The following SLC30A7 variants were observed in gnomAD, a reference collection of about 807,000 sequenced individuals.
SLC30A7 encodes the protein solute carrier family 30 member 7, also known as zinc transporter 7.
A neutral mutation model predicts 46.0 loss-of-function variants in SLC30A7; 35 were observed. The observed-to-expected ratio is 0.76, with a 90% CI of 0.58 to 1.01. The LOEUF (loss-of-function observed/expected upper bound fraction) is 1.01. Ranked by LOEUF, SLC30A7 falls within the 50% of genes least tolerant of loss-of-function variation. The probability of loss-of-function intolerance (pLI) is 0.00; values close to 1 mark genes in which losing one functional copy is unlikely to be tolerated. For missense variants in SLC30A7, 464 were observed against 451.1 expected (o/e 1.03, Z -0.26); for synonymous variants, 147 against 157.8 (o/e 0.93, Z 0.51).
At chr1:100,910,563 T>C (rs1290891121) in intron 3 of SLC30A7, among the ~76,000 whole-genome samples, 2 of 152,188 alleles carry the variant, frequency 1.3e-5, no homozygotes, top group African/African-American at 4.8e-5. Flanking sequence ...AGAAATAATT[T>C]TATTTTCCTT....
At chr1:100,953,845 A>G (rs192869115) in intron 8 of SLC30A7, among the ~76,000 whole-genome samples, 2 of 152,352 alleles carry the variant, frequency 1.3e-5, no homozygotes, top group East Asian at 1.9e-4. Flanking sequence ...AAGAGATTCT[A>G]TTAAGATAAA....
chr1:100,964,259 AATATATGTTATATAACCTATAAC>A (rs779868664), intron 9 of SLC30A7, among the ~76,000 whole-genome samples: 95 of 89,956 alleles, frequency 1.1e-3, no homozygotes, highest in Non-Finnish European at 2.2e-3. Context: ...ATATATACAC[AATATATGTTATATAACCTATAAC>A]ATATATGTTA....
At chr1:100,927,220 C>T (rs1653362857) in intron 8 of SLC30A7, among the ~76,000 whole-genome samples, 1 of 152,092 alleles carries the variant, frequency 6.6e-6, no homozygotes, top group African/African-American at 2.4e-5. Context: ...ACAGTTTATT[C>T]TGAGACCGAG....
At chr1:100,974,383 A>C (rs1434384189) in intron 10 of SLC30A7, among the ~76,000 whole-genome samples, 1 of 152,218 alleles carries the variant, frequency 6.6e-6, no homozygotes, top group Admixed American at 6.5e-5. Flanking sequence ...CCAAAACAGA[A>C]GAGAGAACTT....
the SLC30A7 span, among the ~76,000 whole-genome samples, chr1:100,991,073 C>G: frequency 3.3e-5 from 5 of 152,140 alleles, no homozygotes; most frequent in African/African-American, 1.2e-4. Context: ...CCTTGCCATC[C>G]AATTAGCTGT....
intron 2 of SLC30A7, among the ~76,000 whole-genome samples, chr1:100,903,362 A>G (rs952550403): frequency 6.6e-6 from 1 of 152,158 alleles, no homozygotes; most frequent in African/African-American, 2.4e-5. Flanking sequence ...TGAGTCTTTC[A>G]TACTTCAAAA....
At position 100,965,798 on chromosome 1, in the gene SLC30A7, A is replaced by G. The variant is rs1209473395; in HGVS notation, c.963A>G (p.Leu321=). The G allele has an allele frequency of 1.9e-6, 3 of 1,613,800 alleles. No homozygotes were observed. The highest frequency in any genetic ancestry group is 2.5e-6 in the Non-Finnish European group (3 of 1,179,822). The change falls in exon 10 of 11, where the codon TTA becomes TTG. Residue 321 remains leucine (L), a synonymous_variant. Transcript: ENST00000357650. ...AGCAGTTGCAAGGAGTTTACAGTTT[A>G]CAGGAACAGCACTTCTGGACTTTAT... is the stretch of plus-strand genomic sequence containing the variant. ...RVQQLQGVYS[L]QEQHFWTLCS...
chr1:100,906,288 A>G (rs928033171), intron 2 of SLC30A7, among the ~76,000 whole-genome samples: 30 of 152,042 alleles, frequency 2.0e-4, no homozygotes, highest in African/African-American at 7.2e-4. Flanking sequence ...ACTTTATTCA[A>G]GACTTGGTGG....
At chr1:100,928,194 TG>T (rs1389167643) in intron 8 of SLC30A7, among the ~76,000 whole-genome samples, 1 of 152,184 alleles carries the variant, frequency 6.6e-6, no homozygotes, top group East Asian at 1.9e-4. Context: ...AATGATCTAA[TG>T]GCACGGGCCT....
chr1:100,925,548 AAAAT>A (rs1241811923), intron 8 of SLC30A7, among the ~76,000 whole-genome samples: 1 of 152,268 alleles, frequency 6.6e-6, no homozygotes, highest in East Asian at 1.9e-4. Flanking sequence ...GAAAAGTTAG[AAAAT>A]GCTTTGGGGT....
chr1:100,929,940 A>G (rs1282705630), intron 8 of SLC30A7, among the ~76,000 whole-genome samples: 1 of 152,086 alleles, frequency 6.6e-6, no homozygotes, highest in Non-Finnish European at 1.5e-5. Flanking sequence ...AGATGAATTC[A>G]TAACTTAGAA....
chr1:100,968,261 G>T (rs965786539), intron 10 of SLC30A7, among the ~76,000 whole-genome samples: 9 of 152,096 alleles, frequency 5.9e-5, no homozygotes, highest in African/African-American at 2.2e-4. Context: ...AGGAGTTTAA[G>T]ATCAGCCTCA....
At chr1:100,947,638 GA>G (rs1164028898) in intron 8 of SLC30A7, among the ~76,000 whole-genome samples, 1 of 151,332 alleles carries the variant, frequency 6.6e-6, no homozygotes, top group East Asian at 1.9e-4. Context: ...CTGATATTGA[GA>G]GTGGGGTGTT....
chr1:100,961,790 A>G lies in SLC30A7; in HGVS notation c.843-38A>G, dbSNP rs368329855. 27 of 1,304,194 alleles carry G rather than the reference A, an allele frequency of 2.1e-5. No individual in the cohort carries two copies. The African/African-American group carries it at 4.0e-4, about 19-fold the overall frequency. The allele number at this position is 1,304,194 out of a possible 1,614,324, so 80.8% of individuals were successfully genotyped here. A position where few individuals can be genotyped will look rare whatever the true frequency, so the allele number is the denominator to read the frequency against. On this transcript the variant is annotated intron_variant, in intron 8 of 10. Coordinates refer to ENST00000357650, the MANE Select transcript of SLC30A7 (RefSeq NM_133496.5). ...TTTCTTGCTGGATGGGATTAGCAGA[A>G]TGTGACTTTAATAAATTGTTGTCTT...
intron 8 of SLC30A7, chr1:100,941,769 G>A (rs190046569): frequency 6.4e-6 from 4 of 625,086 alleles, no homozygotes; most frequent in Non-Finnish European, 1.2e-5. Flanking sequence ...CCTCCACAGT[G>A]GCATACGTGA....
intron 8 of SLC30A7, among the ~76,000 whole-genome samples, chr1:100,949,303 C>A (rs143609060): frequency 0.023 from 3,452 of 152,286 alleles, 121 homozygotes; most frequent in African/African-American, 0.075. Flanking sequence ...TGTAGGTCCA[C>A]TCCAGACCCT....
intron 5 of SLC30A7, among the ~76,000 whole-genome samples, chr1:100,913,411 G>T (rs561074164): frequency 6.6e-6 from 1 of 152,210 alleles, no homozygotes; most frequent in South Asian, 2.1e-4. Flanking sequence ...GGAGATATCT[G>T]TATACTTCCA....
At chr1:100,974,673 A>C in intron 10 of SLC30A7, 137 bp from the exon 11 acceptor site, 1 of 568,772 alleles carries the variant, frequency 1.8e-6, no homozygotes, top group Non-Finnish European at 2.9e-6. Context: ...TAGCTTATGA[A>C]TATATTTGTT....
rs575541108 is a variant in SLC30A7, at chr1:100,963,695, G to A, written c.933+1777G>A. The stretch of plus-strand genomic sequence containing the variant: ...TTCTATGATCTGCACTGTCCAATAT[G>A]GAAGCCACAAACCACATGTGGCTAG... On this transcript the variant is annotated intron_variant, in intron 9 of 10. Coordinates refer to ENST00000357650, the MANE Select transcript of SLC30A7 (RefSeq NM_133496.5). Among the ~76,000 whole-genome samples, 22 of 151,222 alleles carry A rather than the reference G, an allele frequency of 1.5e-4. No individual in the cohort carries two copies. In the East Asian group the frequency reaches 4.2e-3, roughly 29 times the overall value.
Sources: gnomAD v4.1 joint callset for allele counts (sites outside exome capture counted in the v4.1 genomes callset) on GRCh38, gnomAD v4.1.1 for gene constraint, MANE v1.5 for transcripts, NCBI Gene and HGNC (gene_info 2026-07-23, HGNC 2026-07-21) for gene names.